Variants in PPFIA2 observed in about 807,000 individuals in gnomAD.
PPFIA2 encodes the protein liprin-alpha-2.
A neutral mutation model predicts 175.5 loss-of-function variants in PPFIA2; 46 were observed. The ratio of observed to expected loss-of-function variants is 0.26; its 90% CI spans 0.21 to 0.34. The LOEUF (loss-of-function observed/expected upper bound fraction) is 0.34. Ranked by LOEUF, PPFIA2 falls within the 10% of genes least tolerant of loss-of-function variation. PPFIA2 has a pLI of 1.00. For missense variants in PPFIA2, 1,179 were observed against 1,506.1 expected (o/e 0.78, Z 3.60); for synonymous variants, 568 against 511.4 (o/e 1.11, Z -1.49).
chr12:81,591,217 C>T (rs541019515), intron 4 of PPFIA2, among the ~76,000 whole-genome samples: 12 of 152,048 alleles, frequency 7.9e-5, no homozygotes, highest in Non-Finnish European at 1.6e-4. Context: ...GAACTTTGAA[C>T]TTGAGAGAGA....
chr12:81,451,989 AT>A (rs776738440), intron 5 of PPFIA2, among the ~76,000 whole-genome samples: 2 of 152,188 alleles, frequency 1.3e-5, no homozygotes, highest in Non-Finnish European at 2.9e-5. Context: ...TCTCTTTGGT[AT>A]ACTCAAAGGA....
At chr12:81,561,869 A>G (rs879868672) in intron 4 of PPFIA2, among the ~76,000 whole-genome samples, 1 of 152,208 alleles carries the variant, frequency 6.6e-6, no homozygotes, top group Non-Finnish European at 1.5e-5. Context: ...TCTTGTCTGC[A>G]TTGAATAGCT....
At chr12:81,582,869 A>G (rs1354780739) in intron 4 of PPFIA2, among the ~76,000 whole-genome samples, 1 of 151,894 alleles carries the variant, frequency 6.6e-6, no homozygotes, top group Non-Finnish European at 1.5e-5. Flanking sequence ...TGTCTGTAAC[A>G]TGGTACTATA....
intron 3 of PPFIA2, among the ~76,000 whole-genome samples, chr12:81,716,452 G>C (rs2078626281): frequency 6.6e-6 from 1 of 151,538 alleles, no homozygotes; most frequent in Admixed American, 6.6e-5. Flanking sequence ...AAATTTGCAT[G>C]ACATTTATTT....
At chr12:81,315,516 A>G (rs1163683102) in intron 22 of PPFIA2, among the ~76,000 whole-genome samples, 1 of 151,718 alleles carries the variant, frequency 6.6e-6, no homozygotes, top group Non-Finnish European at 1.5e-5. Context: ...GATAGAAGAA[A>G]AAGTTCATAA....
chr12:81,613,339 T>C (rs1304468218), intron 4 of PPFIA2, among the ~76,000 whole-genome samples: 3 of 152,140 alleles, frequency 2.0e-5, no homozygotes, highest in Non-Finnish European at 1.5e-5. Flanking sequence ...CTCTATGACA[T>C]GAGAACCACA....
intron 4 of PPFIA2, among the ~76,000 whole-genome samples, chr12:81,520,558 T>C (rs1183720167): frequency 6.6e-6 from 1 of 152,232 alleles, no homozygotes; most frequent in Non-Finnish European, 1.5e-5. Flanking sequence ...TCTTTCTTCT[T>C]TTCTTCTTCG....
At chr12:81,312,350 T>C in intron 22 of PPFIA2, 3 of 612,690 alleles carry the variant, frequency 4.9e-6, no homozygotes, top group Non-Finnish European at 8.5e-6. Flanking sequence ...ACTCACTGCG[T>C]CGAAAAGCAT....
At chr12:81,275,316 A>G (rs552363929) in intron 28 of PPFIA2, among the ~76,000 whole-genome samples, 9 of 152,246 alleles carry the variant, frequency 5.9e-5, no homozygotes, top group Admixed American at 2.6e-4. Flanking sequence ...GAAGTGTTAC[A>G]AGAAATCCAT....
At chr12:81,388,263 T>G (rs2039398118) in intron 8 of PPFIA2, among the ~76,000 whole-genome samples, 1 of 152,174 alleles carries the variant, frequency 6.6e-6, no homozygotes, top group African/African-American at 2.4e-5. Context: ...TAGAAGAAAC[T>G]ATTGTACTCT....
chr12:81,510,127 G>C (rs1195171892), intron 4 of PPFIA2, among the ~76,000 whole-genome samples: 1 of 151,888 alleles, frequency 6.6e-6, no homozygotes, highest in African/African-American at 2.4e-5. Flanking sequence ...TTTCCAAACA[G>C]CTATTATATA....
At chr12:81,702,788 G>A (rs2076650299) in intron 3 of PPFIA2, among the ~76,000 whole-genome samples, 1 of 152,100 alleles carries the variant, frequency 6.6e-6, no homozygotes, top group Non-Finnish European at 1.5e-5. Context: ...GAGGTAATTA[G>A]GTTTAGATAT....
At chr12:81,337,519 T>C (rs1291122900) in intron 21 of PPFIA2, among the ~76,000 whole-genome samples, 5 of 152,206 alleles carry the variant, frequency 3.3e-5, no homozygotes, top group Non-Finnish European at 5.9e-5. Flanking sequence ...TATACTTTTC[T>C]AGACTTTAAC....
rs546492550 is a variant in PPFIA2 at position 81,685,668 on chromosome 12, G to C, written c.250-8824C>G. On this transcript the variant is annotated intron_variant, in intron 3 of 32. Coordinates refer to ENST00000549396, the MANE Select transcript of PPFIA2 (RefSeq NM_003625.5). Reference sequence around the variant, plus strand: ...TTTCAGTCCAAAAGCACATAAATCTGCAGAACAACATGAGGAAGAATTTTG... The same window carrying C: ...TTTCAGTCCAAAAGCACATAAATCTCCAGAACAACATGAGGAAGAATTTTG... 2.6e-5 allele frequency among the ~76,000 whole-genome samples: 4 copies of C among 152,094 alleles called. No homozygotes were observed. In the South Asian group the frequency reaches 8.3e-4, roughly 32 times the overall value.
At chr12:81,483,624 A>T (rs2058495939) in intron 4 of PPFIA2, among the ~76,000 whole-genome samples, 1 of 152,090 alleles carries the variant, frequency 6.6e-6, no homozygotes, top group Non-Finnish European at 1.5e-5. Flanking sequence ...CAACTCTGTG[A>T]ATAAGCTAAA....
chr12:81,706,964 C>T (rs1322601578), intron 3 of PPFIA2, among the ~76,000 whole-genome samples: 1 of 151,862 alleles, frequency 6.6e-6, no homozygotes, highest in East Asian at 1.9e-4. Context: ...AACTGGCTAG[C>T]CATATGTAGA....
At chr12:81,281,063 C>T (rs1197459345) in intron 27 of PPFIA2, among the ~76,000 whole-genome samples, 194 bp downstream of exon 27, 1 of 151,966 alleles carries the variant, frequency 6.6e-6, no homozygotes, top group Non-Finnish European at 1.5e-5. Context: ...ACATAATATG[C>T]ACATAGCTCT....
At chr12:81,599,159 G>A (rs1373125257) in intron 4 of PPFIA2, among the ~76,000 whole-genome samples, 2 of 151,772 alleles carry the variant, frequency 1.3e-5, no homozygotes, top group Non-Finnish European at 2.9e-5. Context: ...TTTACACATC[G>A]TTCAAATGTG....
At chr12:81,276,963 G>A (rs1447377795) in intron 28 of PPFIA2, among the ~76,000 whole-genome samples, 1 of 152,050 alleles carries the variant, frequency 6.6e-6, no homozygotes, top group Non-Finnish European at 1.5e-5. Flanking sequence ...CCATAAAAAT[G>A]ATATACCATG....
Sources: allele counts gnomAD v4.1 joint callset (sites outside exome capture counted in the v4.1 genomes callset), GRCh38; gene constraint gnomAD v4.1.1; transcripts MANE v1.5; gene names NCBI Gene and HGNC (gene_info 2026-07-23, HGNC 2026-07-21).